The following MATCAP1 variants were observed in gnomAD, a reference collection of about 807,000 sequenced individuals.
MATCAP1 encodes the protein microtubule associated tyrosine carboxypeptidase 1.
chr16:67,179,531 G>A, the MATCAP1 span: 4 of 1,613,372 alleles, frequency 2.5e-6, no homozygotes, highest in Non-Finnish European at 3.4e-6. This position sits in a 1 kb window ranked among gnomAD's most constrained non-coding sequence, Gnocchi z 5.2. Flanking sequence ...CACTGCCTGG[G>A]ACAGCAGGTC....
At chr16:67,182,377 A>G in the MATCAP1 span, among the ~76,000 whole-genome samples, 1 of 151,904 alleles carries the variant, frequency 6.6e-6, no homozygotes, top group South Asian at 2.1e-4. Context: ...ACCTCTTAAT[A>G]CTGTAATGCT....
chr16:67,178,393 C>T, the MATCAP1 span: 5 of 1,549,896 alleles, frequency 3.2e-6, no homozygotes, highest in Non-Finnish European at 4.4e-6. Flanking sequence ...GCTGTGCAGG[C>T]TGGCCAGGCC....
chr16:67,176,969 A>T, the MATCAP1 span: 2 of 1,553,390 alleles, frequency 1.3e-6, no homozygotes, highest in Non-Finnish European at 8.7e-7. This position sits in a 1 kb window ranked among gnomAD's most constrained non-coding sequence, Gnocchi z 4.3. Context: ...ACATCCTCAT[A>T]GGACACCTGC....
the MATCAP1 span, chr16:67,176,632 G>A: frequency 7.6e-6 from 4 of 526,884 alleles, no homozygotes; most frequent in South Asian, 1.6e-4. This position sits in a 1 kb window ranked among gnomAD's most constrained non-coding sequence, Gnocchi z 4.3. Flanking sequence ...AGACCCCAGG[G>A]AGGCTGGCAA....
chr16:67,178,097 G>A, the MATCAP1 span: 6 of 1,613,614 alleles, frequency 3.7e-6, no homozygotes, highest in Non-Finnish European at 5.1e-6. Flanking sequence ...CCTGGTCCTT[G>A]CTGAAACAAC....
chr16:67,182,234 A>C, the MATCAP1 span, among the ~76,000 whole-genome samples: 1 of 148,850 alleles, frequency 6.7e-6, no homozygotes, highest in African/African-American at 2.5e-5. Context: ...GGGCAACAAC[A>C]GCGAAACTCC....
the MATCAP1 span, chr16:67,179,588 T>C: frequency 1.3e-6 from 2 of 1,599,824 alleles, no homozygotes; most frequent in Non-Finnish European, 1.7e-6. The surrounding 1 kb of genome is among the most constrained non-coding windows in gnomAD (Gnocchi z 5.2). Flanking sequence ...CTCTGAGCCA[T>C]GGCCACCAGC....
At chr16:67,182,277 T>C in the MATCAP1 span, among the ~76,000 whole-genome samples, 1 of 148,000 alleles carries the variant, frequency 6.8e-6, no homozygotes, top group Non-Finnish European at 1.5e-5. Context: ...AAAAAGTCAC[T>C]GCCTCCTGGA....
chr16:67,178,140 CTCG>C, the MATCAP1 span: 1 of 1,467,192 alleles, frequency 6.8e-7, no homozygotes, highest in Non-Finnish European at 9.2e-7. Flanking sequence ...AGCCCCGCCC[CTCG>C]CCCGAAGCCC....
At chr16:67,180,256 G>C in the MATCAP1 span, 2 of 1,613,282 alleles carry the variant, frequency 1.2e-6, no homozygotes, top group South Asian at 2.2e-5. Flanking sequence ...ATGTGAGGCA[G>C]GGAGGCTGCA....
the MATCAP1 span, chr16:67,176,974 A>G: frequency 6.5e-7 from 1 of 1,543,084 alleles, no homozygotes; most frequent in East Asian, 2.4e-5. This position sits in a 1 kb window ranked among gnomAD's most constrained non-coding sequence, Gnocchi z 4.3. Context: ...CTCATAGGAC[A>G]CCTGCAGGAG....
the MATCAP1 span, chr16:67,179,092 G>C: frequency 8.5e-7 from 1 of 1,183,068 alleles, no homozygotes; most frequent in Non-Finnish European, 1.1e-6. The surrounding 1 kb of genome is among the most constrained non-coding windows in gnomAD (Gnocchi z 5.2). Flanking sequence ...CAGCGTGGTG[G>C]CTGGCCTGGT....
At chr16:67,179,074 T>G in the MATCAP1 span, 1 of 1,166,864 alleles carries the variant, frequency 8.6e-7, no homozygotes, top group Non-Finnish European at 1.1e-6. This position sits in a 1 kb window ranked among gnomAD's most constrained non-coding sequence, Gnocchi z 5.2. Context: ...CCATCCACCC[T>G]GGAGGGCCAG....
At chr16:67,178,518 G>C in the MATCAP1 span, 8 of 1,519,672 alleles carry the variant, frequency 5.3e-6, no homozygotes, top group Non-Finnish European at 7.0e-6. Context: ...CGGGGAAGGC[G>C]AGGGGAGGCG....
At chr16:67,178,179 TC>T in the MATCAP1 span, 14 of 941,512 alleles carry the variant, frequency 1.5e-5, no homozygotes, top group Non-Finnish European at 1.8e-5. Context: ...TCTAGGCACC[TC>T]CCCCGCGCTG....
At chr16:67,179,385 G>A in the MATCAP1 span, 1 of 1,565,838 alleles carries the variant, frequency 6.4e-7, no homozygotes, top group Admixed American at 1.8e-5. This position sits in a 1 kb window ranked among gnomAD's most constrained non-coding sequence, Gnocchi z 5.2. Context: ...CAGCTCCCAG[G>A]CCCCTTTCAT....
At chr16:67,178,217 T>C in the MATCAP1 span, 7 of 1,429,022 alleles carry the variant, frequency 4.9e-6, no homozygotes, top group Non-Finnish European at 6.5e-6. Context: ...GAGGTGTCGG[T>C]CTGGCCGCGC....
chr16:67,183,713 G>T, the MATCAP1 span: 1 of 154,244 alleles, frequency 6.5e-6, no homozygotes, highest in Non-Finnish European at 1.4e-5. Flanking sequence ...GGCGTGACCT[G>T]CAGCCAATAA....
the MATCAP1 span, chr16:67,179,288 T>C: frequency 1.7e-5 from 25 of 1,491,468 alleles, no homozygotes; most frequent in South Asian, 3.1e-4. This position sits in a 1 kb window ranked among gnomAD's most constrained non-coding sequence, Gnocchi z 5.2. Flanking sequence ...GGGAGGTGGC[T>C]GCTCAGGAAG....
Sources: gnomAD v4.1 joint callset for allele counts (sites outside exome capture counted in the v4.1 genomes callset) on GRCh38, gnomAD v4.1.1 for gene constraint, Gnocchi (gnomAD v3.1) non-coding constraint, MANE v1.5 for transcripts, NCBI Gene and HGNC (gene_info 2026-07-23, HGNC 2026-07-21) for gene names.